CEACAM20: variants seen among roughly 807,000 people sequenced by gnomAD.
The protein encoded by CEACAM20 is CEA cell adhesion molecule 20.
Under a neutral mutation model 61.2 loss-of-function variants are expected in CEACAM20, and 50 were observed. The observed-to-expected ratio is 0.82, with a 90% CI of 0.65 to 1.03. The LOEUF is 1.03. Among genes scored for constraint, CEACAM20 ranks in the 50% least tolerant of loss-of-function variants. The pLI, the probability that CEACAM20 is intolerant of heterozygous loss-of-function variation, is 0.00. For synonymous variants in CEACAM20, 282 were observed against 287.7 expected, an observed-to-expected ratio of 0.98 and a Z score of 0.20; for missense variants, 683 against 736.4, an observed-to-expected ratio of 0.93 and a Z score of 0.84.
intron 5 of CEACAM20, among the ~76,000 whole-genome samples, chr19:44,519,247 C>T (rs1178227476): frequency 6.6e-6 from 1 of 152,158 alleles, no homozygotes; most frequent in Admixed American, 6.5e-5. Context: ...ATTTATCATG[C>T]TATGTTTTAT....
Position 44,523,941 on chromosome 19 carries a change from AAGTG to A in CEACAM20, c.472+41_472+44del, listed in dbSNP as rs1295776883. On this transcript the variant is annotated intron_variant, in intron 3 of 11. Coordinates refer to ENST00000614924, the MANE Select transcript of CEACAM20 (RefSeq NM_001102597.3). ...TGTGAGACTGAACGAGGCACTAAGC[AAGTG>A]AGTGTCAGTGAGGGGTTGGAGAGAA... 11 of 1,516,538 alleles carry A rather than the reference AAGTG, an allele frequency of 7.3e-6. No individual in the cohort carries two copies. In the East Asian group the frequency reaches 1.2e-4, roughly 17 times the overall value. 93.9% of individuals were successfully genotyped at this position (1,516,538 alleles called of 1,614,324 possible).
rs1971225062 is a variant in CEACAM20, at chr19:44,518,081, G to GAAAGAAAGAAAGAAAGAAAGAAA, written c.1031-858_1031-857insTTTCTTTCTTTCTTTCTTTCTTT. Reference sequence around the variant, plus strand: ...ATAGAGTGAGACTCAAAAGGAAAGAGGAAAGAAAGAAAGAAAGAAAGAAAG... The same window carrying GAAAGAAAGAAAGAAAGAAAGAAA: ...ATAGAGTGAGACTCAAAAGGAAAGAGAAAGAAAGAAAGAAAGAAAGAAAGAAAGAAAGAAAGAAAGAAAGAAAG... On this transcript the variant is annotated intron_variant, in intron 5 of 11. Coordinates refer to ENST00000614924, the MANE Select transcript of CEACAM20 (RefSeq NM_001102597.3). Among the ~76,000 whole-genome samples the GAAAGAAAGAAAGAAAGAAAGAAA allele has an allele frequency of 9.9e-4, 105 of 105,708 alleles. 17 individuals carry two copies. Among genetic ancestry groups the GAAAGAAAGAAAGAAAGAAAGAAA allele is most frequent in the African/African-American group, 3.3e-3 (66 of 19,942 alleles). The allele number at this position is 105,708 out of a possible 152,430, so 69.3% of individuals were successfully genotyped here. A position where few individuals can be genotyped will look rare whatever the true frequency, so the allele number is the denominator to read the frequency against.
rs1480315935 is a variant in CEACAM20 at position 44,524,408 on chromosome 19, ATCTACTGCTCAT to A, written c.197-159_197-148del. 6 of 827,668 alleles carry A rather than the reference ATCTACTGCTCAT, an allele frequency of 7.2e-6. No individual in the cohort carries two copies. The African/African-American group carries it at 1.0e-4, about 14-fold the overall frequency. The allele number at this position is 827,668 out of a possible 1,614,324, so 51.3% of individuals were successfully genotyped here. ...TTGGATGCCTGGGCTTGAATGCTGGATCTACTGCTCATTCTTGGTGTCATCTTCGGCAAGTTA... is the reference window on the plus strand; with the variant it reads ...TTGGATGCCTGGGCTTGAATGCTGGATCTTGGTGTCATCTTCGGCAAGTTA... On this transcript the variant is annotated intron_variant, in intron 2 of 11. Coordinates refer to ENST00000614924, the MANE Select transcript of CEACAM20 (RefSeq NM_001102597.3).
At chr19:44,518,232 GAGAA>G (rs752942838) in intron 5 of CEACAM20, among the ~76,000 whole-genome samples, 14,708 of 120,094 alleles carry the variant, frequency 0.12, 1,279 homozygotes, top group African/African-American at 0.2. Flanking sequence ...GAGAGAGAGA[GAGAA>G]AGGAAGGAAG....
chr19:44,511,346 T>G (rs935927777), intron 10 of CEACAM20, among the ~76,000 whole-genome samples, 191 bp from the exon 11 acceptor site: 3 of 152,248 alleles, frequency 2.0e-5, no homozygotes, highest in Admixed American at 6.5e-5. Context: ...CTGCTGGATC[T>G]GCAACCTCTA....
chr19:44,518,083 A>G (rs1262870127), intron 5 of CEACAM20, among the ~76,000 whole-genome samples: 1 of 89,576 alleles, frequency 1.1e-5, no homozygotes, highest in Non-Finnish European at 1.9e-5. Flanking sequence ...AGGAAAGAGG[A>G]AAGAAAGAAA....
chr19:44,522,055 C>T (rs984769576), intron 4 of CEACAM20, among the ~76,000 whole-genome samples: 2 of 152,080 alleles, frequency 1.3e-5, no homozygotes, highest in Non-Finnish European at 2.9e-5. Context: ...ATTGGAAATC[C>T]CCCTGGGTCC....
chr19:44,528,141 TTTC>T (rs1280469516), intron 1 of CEACAM20, among the ~76,000 whole-genome samples: 11 of 130,130 alleles, frequency 8.5e-5, no homozygotes, highest in Non-Finnish European at 1.6e-4. Context: ...TATCTCTTTC[TTTC>T]TTTTCTTTCT....
chr19:44,527,180 A>G (rs1737806091), intron 1 of CEACAM20, among the ~76,000 whole-genome samples: 1 of 152,012 alleles, frequency 6.6e-6, no homozygotes, highest in Non-Finnish European at 1.5e-5. Context: ...TAATAGTAGA[A>G]CTCAGCTCAT....
intron 5 of CEACAM20, among the ~76,000 whole-genome samples, chr19:44,519,212 C>T (rs1392576637): frequency 1.3e-5 from 2 of 152,144 alleles, no homozygotes; most frequent in African/African-American, 4.8e-5. Flanking sequence ...GCTCCCCATA[C>T]CCTCCCTTTG....
At chr19:44,529,384 AC>A (rs1971643669) in intron 1 of CEACAM20, 73 bp downstream of exon 1, 23 of 1,312,998 alleles carry the variant, frequency 1.8e-5, no homozygotes, top group Non-Finnish European at 2.4e-5. Flanking sequence ...ACACACACAC[AC>A]ACACACACAC....
chr19:44,509,668 A>C (rs763776261), intron 11 of CEACAM20, among the ~76,000 whole-genome samples: 40 of 152,200 alleles, frequency 2.6e-4, no homozygotes, highest in Non-Finnish European at 5.4e-4. Context: ...GGTGGATTGG[A>C]AAGAAATGAA....
rs761072980 is a variant in CEACAM20 at position 44,529,406 on chromosome 19, T to C, written c.52+52A>G. 32 of 1,461,950 alleles carry C rather than the reference T, an allele frequency of 2.2e-5. No homozygotes were observed. In the East Asian group the frequency reaches 4.6e-4, roughly 21 times the overall value. The allele number at this position is 1,461,950 out of a possible 1,614,324, so 90.6% of individuals were successfully genotyped here. A position where few individuals can be genotyped will look rare whatever the true frequency, so the allele number is the denominator to read the frequency against. ...CACACACACACACACCGCTGACAAATAGATGCATACAACCTCCCTCCTCCC... is the reference window on the plus strand; with the variant it reads ...CACACACACACACACCGCTGACAAACAGATGCATACAACCTCCCTCCTCCC... On this transcript the variant is annotated intron_variant, in intron 1 of 11. Coordinates refer to ENST00000614924, the MANE Select transcript of CEACAM20 (RefSeq NM_001102597.3).
At chr19:44,512,243 G>T (rs1971024428) in intron 8 of CEACAM20, among the ~76,000 whole-genome samples, 165 bp from the exon 9 acceptor site, 1 of 152,132 alleles carries the variant, frequency 6.6e-6, no homozygotes, top group African/African-American at 2.4e-5. Context: ...GGCAATCAAG[G>T]TCTGGGTTAG....
At position 44,522,494 on chromosome 19, in the gene CEACAM20, A is replaced by T. The variant is rs988989861; in HGVS notation, c.751+140T>A. The T allele has an allele frequency of 3.3e-6, 3 of 904,142 alleles. No homozygotes were observed. In the South Asian group the frequency reaches 5.4e-5, roughly 16 times the overall value. 56.0% of individuals were successfully genotyped at this position (904,142 alleles called of 1,614,324 possible). On this transcript the variant is annotated intron_variant, in intron 4 of 11. Transcript: ENST00000614924. ...CTAGAACACAGCGCAAACATTTTTC[A>T]TGCAACTCAATGTCATGCAGGGATT...
At position 44,520,543 on chromosome 19, in the gene CEACAM20, G is replaced by A; in HGVS notation, c.961C>T (p.Pro321Ser). 2 of 1,614,032 alleles carry A rather than the reference G, an allele frequency of 1.2e-6. No individual in the cohort carries two copies. The highest frequency in any genetic ancestry group is 1.7e-6 in the Non-Finnish European group (2 of 1,179,904). ...CAGTTCCAGACCTCACAGGCATAGG[G>A]CCCGGTGTCATTCCGCTGGAGGCCA... is the stretch of plus-strand genomic sequence containing the variant. ...IHGLQRNDTG[P>S]YACEVWNWGS... Residue 321 changes from proline (P) to serine (S), a missense_variant, in exon 5 of 12, where the codon CCC (proline) becomes TCC (serine). Pro to Ser is a moderately conservative substitution (Grantham distance 74). Transcript: ENST00000614924.
intron 5 of CEACAM20, 39 bp downstream of exon 5, chr19:44,520,435 G>A (rs1971318295): frequency 1.3e-6 from 2 of 1,593,782 alleles, no homozygotes; most frequent in South Asian, 1.1e-5. Flanking sequence ...AAGGAGGGAA[G>A]CAGGGAGATG....
chr19:44,509,238 T>A, intron 11 of CEACAM20, among the ~76,000 whole-genome samples: 1 of 150,602 alleles, frequency 6.6e-6, no homozygotes, highest in East Asian at 1.9e-4. Flanking sequence ...TAAAATAAAA[T>A]GGAGCAGAAA....
intron 5 of CEACAM20, 146 bp from the exon 6 acceptor site, chr19:44,517,370 G>T: frequency 3.8e-6 from 4 of 1,042,180 alleles, no homozygotes; most frequent in Non-Finnish European, 5.5e-6. Context: ...GCAGAGTGTG[G>T]TCCACAACAC....
Sources: gnomAD v4.1 joint callset for allele counts (sites outside exome capture counted in the v4.1 genomes callset) on GRCh38, gnomAD v4.1.1 for gene constraint, MANE v1.5 for transcripts, NCBI Gene and HGNC (gene_info 2026-07-23, HGNC 2026-07-21) for gene names.